SIPA1L3: variants seen among roughly 807,000 people sequenced by gnomAD.
SIPA1L3 encodes signal induced proliferation associated 1 like 3, also known as signal-induced proliferation-associated 1-like protein 3.
Under a neutral mutation model 150.1 loss-of-function variants are expected in SIPA1L3, and 59 were observed. The ratio of observed to expected loss-of-function variants is 0.39; its 90% CI spans 0.32 to 0.49. The LOEUF (loss-of-function observed/expected upper bound fraction) is 0.49. SIPA1L3 is among the 20% of genes least tolerant of loss of function. The probability of loss-of-function intolerance (pLI) is 0.86; values close to 1 mark genes in which losing one functional copy is unlikely to be tolerated. For synonymous variants in SIPA1L3, 1,070 were observed against 1,077.6 expected, an observed-to-expected ratio of 0.99 and a Z score of 0.14; for missense variants, 2,211 against 2,489.5, an observed-to-expected ratio of 0.89 and a Z score of 2.38.
At chr19:38,134,766 G>A (rs911332190) in intron 10 of SIPA1L3, among the ~76,000 whole-genome samples, 4 of 150,516 alleles carry the variant, frequency 2.7e-5, no homozygotes, top group Non-Finnish European at 5.9e-5. Context: ...TATAGGAGGC[G>A]CTCGAGAGAC....
In SIPA1L3 at chr19:37,937,741, C is replaced by CAAAAAAAAAAAAAAAAAAAAAAA. The variant is rs34881450; in HGVS notation, c.-379+30384_-379+30406dup. 2.6e-3 allele frequency among the ~76,000 whole-genome samples: 49 copies of CAAAAAAAAAAAAAAAAAAAAAAA among 18,672 alleles called. 12 individuals carry two copies. Among genetic ancestry groups the CAAAAAAAAAAAAAAAAAAAAAAA allele is most frequent in the South Asian group, 9.3e-3 (2 of 216 alleles). 12.2% of individuals were successfully genotyped at this position (18,672 alleles called of 152,430 possible). A position where few individuals can be genotyped will look rare whatever the true frequency, so the allele number is the denominator to read the frequency against. The stretch of plus-strand genomic sequence containing the variant: ...AGGGCGACAGAGTGAAACCCTGTCT[C>CAAAAAAAAAAAAAAAAAAAAAAA]AAAAAAAAAAAAAAAAAAAAAAAGA... On this transcript the variant is annotated intron_variant, in intron 1 of 21. Coordinates refer to ENST00000222345, the MANE Select transcript of SIPA1L3 (RefSeq NM_015073.3).
chr19:38,073,891 G>C (rs564570677), intron 2 of SIPA1L3, among the ~76,000 whole-genome samples: 2 of 152,224 alleles, frequency 1.3e-5, no homozygotes, highest in African/African-American at 2.4e-5. Context: ...GTGCTTCTGT[G>C]GGGGGAAAGG....
intron 13 of SIPA1L3, among the ~76,000 whole-genome samples, chr19:38,161,585 C>T (rs1023867299): frequency 6.6e-6 from 1 of 151,702 alleles, no homozygotes; most frequent in African/African-American, 2.4e-5. Context: ...ATTAGCTGGG[C>T]ATGGTGGTGC....
chr19:37,979,678 G>A (rs2145611436), intron 1 of SIPA1L3, among the ~76,000 whole-genome samples: 1 of 152,300 alleles, frequency 6.6e-6, no homozygotes, highest in East Asian at 1.9e-4. Flanking sequence ...TTGAGTGGTT[G>A]CAACAGAGAC....
At chr19:37,951,798 G>C (rs1340836223) in intron 1 of SIPA1L3, among the ~76,000 whole-genome samples, 2 of 150,986 alleles carry the variant, frequency 1.3e-5, no homozygotes, top group Non-Finnish European at 2.9e-5. Context: ...TCGGGAGGCT[G>C]AGGCAGGGGA....
chr19:38,170,645 G>A (rs1972308080), intron 15 of SIPA1L3, among the ~76,000 whole-genome samples: 1 of 152,194 alleles, frequency 6.6e-6, no homozygotes. Flanking sequence ...CACCGTCCTG[G>A]TACGGACGGA....
intron 1 of SIPA1L3, among the ~76,000 whole-genome samples, chr19:37,979,252 A>G (rs1967143767): frequency 6.6e-6 from 1 of 152,070 alleles, no homozygotes; most frequent in South Asian, 2.1e-4. Flanking sequence ...GTAAACCTAT[A>G]TGAAATTTAG....
intron 18 of SIPA1L3, among the ~76,000 whole-genome samples, chr19:38,195,027 G>T (rs375802675): frequency 1.6e-3 from 236 of 152,084 alleles, no homozygotes; most frequent in African/African-American, 5.1e-3. Flanking sequence ...CTCCAGCCTG[G>T]GTGACAGAGC....
chr19:38,055,989 G>A (rs1037809323), intron 2 of SIPA1L3, among the ~76,000 whole-genome samples: 3 of 152,228 alleles, frequency 2.0e-5, no homozygotes, highest in African/African-American at 7.2e-5. Context: ...ACTGCCCTGA[G>A]ACGGCTCATT....
intron 15 of SIPA1L3, among the ~76,000 whole-genome samples, chr19:38,167,682 C>T (rs1396132197): frequency 6.6e-6 from 1 of 152,154 alleles, no homozygotes; most frequent in Non-Finnish European, 1.5e-5. Context: ...CCCACCTCAG[C>T]CCCCTAAGTA....
At chr19:38,013,322 A>G (rs1004736789) in intron 1 of SIPA1L3, among the ~76,000 whole-genome samples, 5 of 152,222 alleles carry the variant, frequency 3.3e-5, no homozygotes, top group Non-Finnish European at 7.3e-5. Flanking sequence ...AGAAAAATAT[A>G]GAGGATTAAT....
chr19:38,122,082 G>A (rs1971034535), intron 9 of SIPA1L3, among the ~76,000 whole-genome samples: 1 of 151,482 alleles, frequency 6.6e-6, no homozygotes, highest in Non-Finnish European at 1.5e-5. Context: ...TTAGCCAGGC[G>A]TGGTGGCACA....
chr19:38,075,840 T>A (rs948600747), intron 2 of SIPA1L3, among the ~76,000 whole-genome samples: 1 of 149,508 alleles, frequency 6.7e-6, no homozygotes, highest in African/African-American at 2.5e-5. Context: ...CTAAAAATAT[T>A]TTTTAAAAAA....
At chr19:38,039,350 G>A (rs547352985) in intron 2 of SIPA1L3, among the ~76,000 whole-genome samples, 50 of 133,024 alleles carry the variant, frequency 3.8e-4, no homozygotes, top group African/African-American at 1.1e-3. Flanking sequence ...AAAGTGGTTC[G>A]ATAGCTTTCC....
intron 1 of SIPA1L3, among the ~76,000 whole-genome samples, chr19:37,917,896 A>G (rs1376065452): frequency 6.6e-6 from 1 of 151,938 alleles, no homozygotes; most frequent in African/African-American, 2.4e-5. Flanking sequence ...TCCCAGCTAC[A>G]TGGGTGGCTG....
intron 16 of SIPA1L3, among the ~76,000 whole-genome samples, chr19:38,187,753 A>C (rs1238156979): frequency 6.6e-6 from 1 of 151,166 alleles, no homozygotes; most frequent in African/African-American, 2.4e-5. Flanking sequence ...AAGGAAAAAA[A>C]AACTTTTTTC....
chr19:38,045,940 G>T (rs1969047176), intron 2 of SIPA1L3, among the ~76,000 whole-genome samples: 1 of 152,114 alleles, frequency 6.6e-6, no homozygotes, highest in Non-Finnish European at 1.5e-5. Context: ...GTTTTCAGGG[G>T]AGAAGTGATA....
chr19:38,141,725 G>T (rs923082542), intron 11 of SIPA1L3, among the ~76,000 whole-genome samples: 1 of 152,236 alleles, frequency 6.6e-6, no homozygotes, highest in Non-Finnish European at 1.5e-5. Context: ...GCTCACGCCT[G>T]TAATCCCAAC....
At chr19:38,175,306 G>A (rs1249611601) in intron 15 of SIPA1L3, among the ~76,000 whole-genome samples, 3 of 151,992 alleles carry the variant, frequency 2.0e-5, no homozygotes, top group Non-Finnish European at 4.4e-5. Context: ...TGGAGGCAGG[G>A]ACCACAGCTC....
Sources: allele counts gnomAD v4.1 joint callset (sites outside exome capture counted in the v4.1 genomes callset), GRCh38; gene constraint gnomAD v4.1.1; transcripts MANE v1.5; gene names NCBI Gene and HGNC (gene_info 2026-07-23, HGNC 2026-07-21).